The following PSMF1 variants were observed in gnomAD, a reference collection of about 807,000 sequenced individuals.
The protein encoded by PSMF1 is proteasome inhibitor subunit 1, also known as proteasome inhibitor PI31 subunit.
In PSMF1, 30 loss-of-function variants were observed where a neutral mutation model predicts 29.3. The observed-to-expected ratio is 1.02, with a 90% CI of 0.77 to 1.39. The LOEUF (loss-of-function observed/expected upper bound fraction) is 1.39, where lower values mean the gene tolerates loss of function less well. Among genes scored for constraint, PSMF1 ranks in the 40% most tolerant of loss-of-function variants. The pLI is 0.00. For missense variants in PSMF1, 344 were observed against 357.5 expected (o/e 0.96, Z 0.31); for synonymous variants, 134 against 139.7 (o/e 0.96, Z 0.29).
chr20:1,142,735 G>A (rs534954898), intron 4 of PSMF1, among the ~76,000 whole-genome samples: 2 of 152,298 alleles, frequency 1.3e-5, no homozygotes, highest in Non-Finnish European at 2.9e-5. Context: ...AAACATATAT[G>A]TGCATGTGTC....
rs1312670749 is a variant in PSMF1 at position 1,169,872 on chromosome 20, G to A, written c.*4792G>A. ...TCCCACCTTTCCTGGAAGGTGCACT[G>A]GGACAGAGGTCTAGTGAGCCAATCT... is the stretch of plus-strand genomic sequence containing the variant. On this transcript the variant is annotated 3_prime_UTR_variant, in exon 7 of 7. Transcript: ENST00000335877. Among the ~76,000 whole-genome samples the A allele has an allele frequency of 6.6e-6, 1 of 152,164 alleles. No homozygotes were observed. Among genetic ancestry groups the A allele is most frequent in the Non-Finnish European group, 1.5e-5 (1 of 68,030 alleles).
chr20:1,167,325 G>A lies in PSMF1; in HGVS notation c.*2245G>A, dbSNP rs181436301. On this transcript the variant is annotated 3_prime_UTR_variant, in exon 7 of 7. Coordinates refer to ENST00000335877, the MANE Select transcript of PSMF1 (RefSeq NM_006814.5). ...AATAAACATCAGCACTAAGTGACCT[G>A]TTCCTCCTTTTTTAAATAGCAGCTT... 1 of 152,288 alleles carries A rather than the reference G, an allele frequency of 6.6e-6. No individual in the cohort carries two copies. Among genetic ancestry groups the A allele is most frequent in the East Asian group, 1.9e-4 (1 of 5,188 alleles). The allele number at this position is 152,288 out of a possible 1,614,324, so 9.4% of individuals were successfully genotyped here.
intron 4 of PSMF1, among the ~76,000 whole-genome samples, chr20:1,138,457 A>T (rs904983708): frequency 1.2e-4 from 18 of 144,284 alleles, no homozygotes; most frequent in African/African-American, 4.4e-4. Flanking sequence ...CGGGAGGTGG[A>T]GGTTGTAGGG....
intron 4 of PSMF1, among the ~76,000 whole-genome samples, chr20:1,150,511 C>T (rs1432179523): frequency 6.6e-6 from 1 of 151,942 alleles, no homozygotes; most frequent in Non-Finnish European, 1.5e-5. Flanking sequence ...AGTCCATGAG[C>T]CACATTAAAA....
intron 4 of PSMF1, among the ~76,000 whole-genome samples, chr20:1,156,252 G>A (rs1203517673): frequency 1.3e-5 from 2 of 152,172 alleles, no homozygotes; most frequent in Admixed American, 6.5e-5. Context: ...TTAAAATAAT[G>A]TCTGAGGGAC....
chr20:1,118,729 C>T lies in PSMF1; in HGVS notation c.-45C>T, dbSNP rs1038100307. The T allele has an allele frequency of 1.9e-6, 3 of 1,593,304 alleles. No homozygotes were observed. The highest frequency in any genetic ancestry group is 1.7e-6 in the Non-Finnish European group (2 of 1,168,538). ...GCCGCGGAGCCGGCTCACTGCACTA[C>T]CCCCGCCCCCTTCTTTCCTCCAGAC... On this transcript the variant is annotated 5_prime_UTR_variant, in exon 1 of 7. Transcript: ENST00000335877.
chr20:1,135,153 G>T lies in PSMF1; in HGVS notation c.398G>T (p.Arg133Leu). 1 of 1,614,140 alleles carries T rather than the reference G, an allele frequency of 6.2e-7. No individual in the cohort carries two copies. Among genetic ancestry groups the T allele is most frequent in the Non-Finnish European group, 8.5e-7 (1 of 1,180,034 alleles). ...TYKNSEELRS[R>L]IVSGIITPIH... is the part of the protein sequence containing the mutation. ...AAGAACAGTGAGGAGCTTCGGTCTC[G>T]TATTGTGTCTGGAATCATCACACCT... The change falls in exon 4 of 7, where the codon CGT becomes CTT. Residue 133 changes from arginine (R) to leucine (L), a missense_variant. Transcript: ENST00000335877.
chr20:1,144,861 T>G (rs1427965906), intron 4 of PSMF1, among the ~76,000 whole-genome samples: 2 of 152,156 alleles, frequency 1.3e-5, no homozygotes, highest in African/African-American at 4.8e-5. Context: ...GTGAAGTATA[T>G]TGGAACCTCT....
At position 1,167,991 on chromosome 20, in the gene PSMF1, C is replaced by A. The variant is rs1001470558; in HGVS notation, c.*2911C>A. 2 of 152,384 alleles carry A rather than the reference C, an allele frequency of 1.3e-5. No homozygotes were observed. The highest frequency in any genetic ancestry group is 4.8e-5 in the African/African-American group (2 of 41,600). The allele number at this position is 152,384 out of a possible 1,614,324, so 9.4% of individuals were successfully genotyped here. A position where few individuals can be genotyped will look rare whatever the true frequency, so the allele number is the denominator to read the frequency against. On this transcript the variant is annotated 3_prime_UTR_variant, in exon 7 of 7. Transcript: ENST00000335877. ...GAGGGTTCCAGTTTCCCCACATCTTCACCAACTCTTGTTATTTTTCATGCT... is the reference window on the plus strand; with the variant it reads ...GAGGGTTCCAGTTTCCCCACATCTTAACCAACTCTTGTTATTTTTCATGCT...
chr20:1,128,093 A>G (rs2086183386), intron 3 of PSMF1, among the ~76,000 whole-genome samples: 3 of 152,318 alleles, frequency 2.0e-5, no homozygotes, highest in East Asian at 1.9e-4. Flanking sequence ...ATGTGTGTCT[A>G]TCATAGTATC....
intron 4 of PSMF1, among the ~76,000 whole-genome samples, chr20:1,139,613 C>T (rs2122526523): frequency 6.6e-6 from 1 of 152,066 alleles, no homozygotes; most frequent in East Asian, 1.9e-4. Flanking sequence ...GGTGTGGTGG[C>T]AGGTGCTTGT....
rs568802161 is a variant in PSMF1 at position 1,165,172 on chromosome 20, G to A, written c.*92G>A. On this transcript the variant is annotated 3_prime_UTR_variant, in exon 7 of 7. Coordinates refer to ENST00000335877, the MANE Select transcript of PSMF1 (RefSeq NM_006814.5). ...CAGCAACCATGTTCTTGCAGGCTGGGGGCAAGGGATTCTGCTCATGTGTTT... is the reference window on the plus strand; with the variant it reads ...CAGCAACCATGTTCTTGCAGGCTGGAGGCAAGGGATTCTGCTCATGTGTTT... 36 of 1,605,438 alleles carry A rather than the reference G, an allele frequency of 2.2e-5. No homozygotes were observed. Among genetic ancestry groups the A allele is most frequent in the Non-Finnish European group, 2.8e-5 (33 of 1,175,348 alleles).
chr20:1,168,756 C>T lies in PSMF1; in HGVS notation c.*3676C>T, dbSNP rs1013961911. Among the ~76,000 whole-genome samples, 1 of 152,144 alleles carries T rather than the reference C, an allele frequency of 6.6e-6. No homozygotes were observed. Among genetic ancestry groups the T allele is most frequent in the Non-Finnish European group, 1.5e-5 (1 of 68,040 alleles). ...ATAACATTCTATTAATGATCCATGC[C>T]TCTCTTCACAGGAGGAATATTAGAA... On this transcript the variant is annotated 3_prime_UTR_variant, in exon 7 of 7. Transcript: ENST00000335877.
At chr20:1,132,420 T>A (rs1298009215) in intron 3 of PSMF1, among the ~76,000 whole-genome samples, 1 of 152,006 alleles carries the variant, frequency 6.6e-6, no homozygotes, top group African/African-American at 2.4e-5. Context: ...GGACTACAGA[T>A]GCGTGCCACC....
chr20:1,124,550 A>T (rs1475408127), intron 1 of PSMF1, among the ~76,000 whole-genome samples: 1 of 18,436 alleles, frequency 5.4e-5, no homozygotes, highest in South Asian at 2.7e-3. Context: ...CATACTGTAT[A>T]GAAATTTATC....
At position 1,127,474 on chromosome 20, in the gene PSMF1, T is replaced by C; in HGVS notation, c.331T>C (p.Tyr111His). ...VADLTLNLDDYIDAEHLGDFH... is the reference protein window; with the variant it reads ...VADLTLNLDDHIDAEHLGDFH... ...AGACTTGACCCTGAACTTGGATGATTATATCGATGCAGAACACCTGGGTGA... is the reference window on the plus strand; with the variant it reads ...AGACTTGACCCTGAACTTGGATGATCATATCGATGCAGAACACCTGGGTGA... Residue 111 changes from tyrosine to histidine, a missense_variant, in exon 3 of 7, where the codon TAT becomes CAT. By Grantham distance (83) the Tyr-to-His change is moderately conservative. Coordinates refer to ENST00000335877, the MANE Select transcript of PSMF1 (RefSeq NM_006814.5). 1.2e-6 allele frequency: 2 copies of C among 1,608,908 alleles called. No individual in the cohort carries two copies. Among genetic ancestry groups the C allele is most frequent in the South Asian group, 1.1e-5 (1 of 90,980 alleles).
intron 4 of PSMF1, among the ~76,000 whole-genome samples, chr20:1,142,310 T>C (rs987188684): frequency 2.6e-5 from 4 of 152,216 alleles, no homozygotes; most frequent in African/African-American, 9.6e-5. Flanking sequence ...AGGGTACACG[T>C]GCACAACGTG....
intron 4 of PSMF1, chr20:1,160,731 A>T: frequency 2.1e-6 from 1 of 468,972 alleles, no homozygotes; most frequent in East Asian, 6.1e-5. Flanking sequence ...GATGGGCCAG[A>T]AGGTCTTCTA....
intron 4 of PSMF1, among the ~76,000 whole-genome samples, chr20:1,147,773 A>G (rs2086473223): frequency 6.6e-6 from 1 of 152,000 alleles, no homozygotes; most frequent in Non-Finnish European, 1.5e-5. Flanking sequence ...TGATTTCTTT[A>G]CTATAGCTCC....
Sources: allele counts gnomAD v4.1 joint callset (sites outside exome capture counted in the v4.1 genomes callset), GRCh38; gene constraint gnomAD v4.1.1; transcripts MANE v1.5; gene names NCBI Gene and HGNC (gene_info 2026-07-23, HGNC 2026-07-21).